The following INSR variants were observed in gnomAD, a reference collection of about 807,000 sequenced individuals.
The protein encoded by INSR is IR.
Under a neutral mutation model 142.6 loss-of-function variants are expected in INSR, and 67 were observed. The observed-to-expected ratio is 0.47, with a 90% CI of 0.39 to 0.58. The LOEUF (loss-of-function observed/expected upper bound fraction) is 0.58. Among genes scored for constraint, INSR ranks in the 20% least tolerant of loss-of-function variants. The probability of loss-of-function intolerance (pLI) is 0.00; values close to 1 mark genes in which losing one functional copy is unlikely to be tolerated. For synonymous variants in INSR, 756 were observed against 743.1 expected (o/e 1.02, Z -0.28); for missense variants, 1,248 against 1,833.2 (o/e 0.68, Z 5.83).
intron 2 of INSR, among the ~76,000 whole-genome samples, chr19:7,248,865 G>T (rs1471608875): frequency 6.7e-6 from 1 of 148,422 alleles, no homozygotes; most frequent in Non-Finnish European, 1.5e-5. Flanking sequence ...TCAAGCGATG[G>T]TCTCCTGCCT....
At chr19:7,210,420 C>A (rs1281974340) in intron 2 of INSR, among the ~76,000 whole-genome samples, 5 of 150,066 alleles carry the variant, frequency 3.3e-5, no homozygotes, top group African/African-American at 7.3e-5. Flanking sequence ...CCCACTAAAA[C>A]ACACACAAAT....
intron 2 of INSR, among the ~76,000 whole-genome samples, chr19:7,231,944 A>G (rs1290817001): frequency 6.6e-6 from 1 of 151,904 alleles, no homozygotes; most frequent in East Asian, 1.9e-4. Flanking sequence ...CTTAAGCCAT[A>G]TCTCAGGCTC....
chr19:7,128,774 G>T, intron 15 of INSR, 78 bp downstream of exon 15: 1 of 930,998 alleles, frequency 1.1e-6, no homozygotes, highest in Non-Finnish European at 1.8e-6. Context: ...ACTTAAATAT[G>T]CCTATACCTA....
At chr19:7,133,136 C>A (rs1048118563) in intron 13 of INSR, among the ~76,000 whole-genome samples, 5 of 152,030 alleles carry the variant, frequency 3.3e-5, no homozygotes, top group Non-Finnish European at 7.4e-5. Flanking sequence ...ATGGTTCGCA[C>A]CTGTAGTCCC....
At chr19:7,187,521 A>C (rs984360903) in intron 2 of INSR, among the ~76,000 whole-genome samples, 1 of 152,136 alleles carries the variant, frequency 6.6e-6, no homozygotes, top group Non-Finnish European at 1.5e-5. Flanking sequence ...AATATTTTAC[A>C]CATTTATGGG....
intron 2 of INSR, among the ~76,000 whole-genome samples, chr19:7,190,032 A>T (rs1974535888): frequency 6.6e-6 from 1 of 151,978 alleles, no homozygotes; most frequent in Non-Finnish European, 1.5e-5. Flanking sequence ...GATATGCTAC[A>T]AATTATTTTC....
chr19:7,162,988 C>G, intron 9 of INSR, 44 bp downstream of exon 9: 1 of 1,605,020 alleles, frequency 6.2e-7, no homozygotes. Context: ...ATCAGACACA[C>G]GTGTGCAAAC....
chr19:7,293,081 G>A (rs1422939650), intron 1 of INSR, among the ~76,000 whole-genome samples: 2 of 152,184 alleles, frequency 1.3e-5, no homozygotes, highest in Non-Finnish European at 2.9e-5. Flanking sequence ...GGGGGCCACT[G>A]TGACAGTCCA....
chr19:7,277,980 G>C (rs1968111018), intron 1 of INSR, among the ~76,000 whole-genome samples: 1 of 151,986 alleles, frequency 6.6e-6, no homozygotes, highest in African/African-American at 2.4e-5. Context: ...TGTAATCCCA[G>C]CTACTCAGGA....
At chr19:7,257,709 A>G (rs571024458) in intron 2 of INSR, among the ~76,000 whole-genome samples, 4 of 152,178 alleles carry the variant, frequency 2.6e-5, no homozygotes, top group African/African-American at 9.6e-5. Context: ...AAGGAAAGAA[A>G]GGAAGGAAAG....
chr19:7,167,501 G>A (rs1157941122), intron 7 of INSR, among the ~76,000 whole-genome samples: 3 of 151,706 alleles, frequency 2.0e-5, no homozygotes, highest in Non-Finnish European at 4.4e-5. Context: ...GCTTGAACCC[G>A]GGAGGCAGAG....
chr19:7,124,382 A>G (rs1396998705), intron 17 of INSR, among the ~76,000 whole-genome samples: 2 of 142,064 alleles, frequency 1.4e-5, no homozygotes, highest in East Asian at 4.1e-4. Flanking sequence ...AAAAAAAAAA[A>G]AAAACAATCA....
chr19:7,270,986 C>A (rs889391991), intron 1 of INSR, among the ~76,000 whole-genome samples: 8 of 151,014 alleles, frequency 5.3e-5, no homozygotes, highest in African/African-American at 1.9e-4. Context: ...GGCATGAACC[C>A]GGGAGGCGGA....
chr19:7,221,681 C>T (rs1343434976), intron 2 of INSR, among the ~76,000 whole-genome samples: 1 of 151,926 alleles, frequency 6.6e-6, no homozygotes, highest in African/African-American at 2.4e-5. Context: ...GCACTCCAGC[C>T]TGGGCTACAG....
chr19:7,125,668 G>T lies in INSR; in HGVS notation c.3014-141C>A. The T allele has an allele frequency of 8.7e-7, 1 of 1,147,642 alleles. No individual in the cohort carries two copies. The highest frequency in any genetic ancestry group is 2.5e-5 in the East Asian group (1 of 40,412). The allele number at this position is 1,147,642 out of a possible 1,614,324, so 71.1% of individuals were successfully genotyped here. A position where few individuals can be genotyped will look rare whatever the true frequency, so the allele number is the denominator to read the frequency against. ...GATCCAGGACCCATGCCGGGCACTG[G>T]GCATATGGCCGAGAACAGGACAGGC... On this transcript the variant is annotated intron_variant, in intron 16 of 21. Coordinates refer to ENST00000302850, the MANE Select transcript of INSR (RefSeq NM_000208.4). This position sits in a 1 kb window ranked among gnomAD's most constrained non-coding sequence, Gnocchi z 4.9.
chr19:7,200,415 A>C (rs1425634957), intron 2 of INSR, among the ~76,000 whole-genome samples: 1 of 152,114 alleles, frequency 6.6e-6, no homozygotes, highest in East Asian at 1.9e-4. Context: ...TCTGGGTTTG[A>C]GGTGTGGAGT....
rs944635336 is a variant in INSR at position 7,293,775 on chromosome 19, C to T, written c.100+17G>A. 4 of 1,334,154 alleles carry T rather than the reference C, an allele frequency of 3.0e-6. No individual in the cohort carries two copies. The highest frequency in any genetic ancestry group is 3.3e-5 in the East Asian group (1 of 30,378). 82.6% of individuals were successfully genotyped at this position (1,334,154 alleles called of 1,614,324 possible). A position where few individuals can be genotyped will look rare whatever the true frequency, so the allele number is the denominator to read the frequency against. On this transcript the variant is annotated intron_variant, in intron 1 of 21. Transcript: ENST00000302850. ...CATCGCGGCGCTCCCCGCCCACGCC[C>T]GCGCCCCCAGACTCACCCTCTCCGG...
intron 2 of INSR, among the ~76,000 whole-genome samples, chr19:7,210,007 A>T (rs1975225885): frequency 6.6e-6 from 1 of 152,118 alleles, no homozygotes; most frequent in South Asian, 2.1e-4. Context: ...GTGACCACAG[A>T]AGAAACAGAG....
intron 3 of INSR, among the ~76,000 whole-genome samples, chr19:7,182,601 C>T (rs1974301538): frequency 6.6e-6 from 1 of 151,500 alleles, no homozygotes; most frequent in South Asian, 2.1e-4. Context: ...GACAATGCAC[C>T]CCCCTCTCCT....
Sources: gnomAD v4.1 joint callset for allele counts (sites outside exome capture counted in the v4.1 genomes callset) on GRCh38, gnomAD v4.1.1 for gene constraint, Gnocchi (gnomAD v3.1) non-coding constraint, MANE v1.5 for transcripts, NCBI Gene and HGNC (gene_info 2026-07-23, HGNC 2026-07-21) for gene names.